CDK14: variants seen among roughly 807,000 people sequenced by gnomAD.
CDK14 encodes cyclin dependent kinase 14.
A neutral mutation model predicts 60.7 loss-of-function variants in CDK14; 34 were observed. That is an observed-to-expected ratio of 0.56 (90% CI 0.43 to 0.75). CDK14 has a LOEUF of 0.75. Among genes scored for constraint, CDK14 ranks in the 30% least tolerant of loss-of-function variants. CDK14 has a pLI of 0.00. For missense variants in CDK14, 482 were observed against 564.1 expected (o/e 0.85, Z 1.47); for synonymous variants, 197 against 203.7 (o/e 0.97, Z 0.28).
chr7:91,130,269 A>T (rs1800076993), intron 14 of CDK14, among the ~76,000 whole-genome samples: 1 of 151,914 alleles, frequency 6.6e-6, no homozygotes, highest in South Asian at 2.1e-4. Context: ...GGGCACTGCC[A>T]CTCCTCCCAC....
intron 9 of CDK14, among the ~76,000 whole-genome samples, chr7:90,960,623 G>A (rs1794575837): frequency 1.3e-5 from 2 of 152,034 alleles, no homozygotes; most frequent in Non-Finnish European, 2.9e-5. Flanking sequence ...GAAATTGCCT[G>A]TTTATTAAGT....
chr7:91,030,245 C>A (rs1796724335), intron 10 of CDK14, among the ~76,000 whole-genome samples: 1 of 152,136 alleles, frequency 6.6e-6, no homozygotes, highest in South Asian at 2.1e-4. Context: ...AAATAGATTT[C>A]CTAACGTTAA....
At chr7:90,633,004 G>A (rs1207243351) in intron 2 of CDK14, among the ~76,000 whole-genome samples, 1 of 151,732 alleles carries the variant, frequency 6.6e-6, no homozygotes, top group Non-Finnish European at 1.5e-5. Flanking sequence ...ACTGAGGCAG[G>A]AGAATTGCTT....
chr7:91,137,690 GGGGGT>G (rs1020105263), intron 14 of CDK14, among the ~76,000 whole-genome samples: 3 of 29,248 alleles, frequency 1.0e-4, no homozygotes, highest in African/African-American at 6.3e-4. Flanking sequence ...AAGACTTGTG[GGGGGT>G]GTGTGTGTGT....
chr7:91,010,727 CCTT>C (rs1163451753), intron 10 of CDK14, among the ~76,000 whole-genome samples: 1 of 147,826 alleles, frequency 6.8e-6, no homozygotes, highest in Non-Finnish European at 1.5e-5. Flanking sequence ...TCTTTTTTCT[CCTT>C]CTTTTCCTTC....
At chr7:90,835,485 TA>T (rs1790064088) in intron 5 of CDK14, among the ~76,000 whole-genome samples, 1 of 152,174 alleles carries the variant, frequency 6.6e-6, no homozygotes, top group Non-Finnish European at 1.5e-5. Flanking sequence ...GATGCCAGGC[TA>T]TGAATACAAA....
intron 8 of CDK14, among the ~76,000 whole-genome samples, chr7:90,934,854 G>GA (rs1793701815): frequency 6.6e-6 from 1 of 152,186 alleles, no homozygotes; most frequent in Non-Finnish European, 1.5e-5. Flanking sequence ...CTTGGCTCAT[G>GA]AAAAATTGAA....
At chr7:90,762,714 G>A (rs2116864905) in intron 4 of CDK14, among the ~76,000 whole-genome samples, 1 of 152,286 alleles carries the variant, frequency 6.6e-6, no homozygotes, top group Middle Eastern at 3.4e-3. Flanking sequence ...GGCCCGGTGT[G>A]GTGGCTCACC....
chr7:90,903,562 A>G (rs1217498488), intron 7 of CDK14, among the ~76,000 whole-genome samples: 1 of 152,162 alleles, frequency 6.6e-6, no homozygotes, highest in Non-Finnish European at 1.5e-5. Context: ...GAGGCTGGGA[A>G]GGATTTTGGA....
At chr7:90,904,640 A>G (rs540591485) in intron 7 of CDK14, among the ~76,000 whole-genome samples, 1 of 152,286 alleles carries the variant, frequency 6.6e-6, no homozygotes, top group South Asian at 2.1e-4. Flanking sequence ...ACATCTGAAT[A>G]ACTGAGGAAA....
chr7:90,981,618 A>G (rs1018808122), intron 9 of CDK14, among the ~76,000 whole-genome samples: 1 of 152,198 alleles, frequency 6.6e-6, no homozygotes, highest in African/African-American at 2.4e-5. Flanking sequence ...CTTAACCCCT[A>G]GGTTTATGAA....
chr7:91,129,443 T>C (rs1800054756), intron 14 of CDK14, among the ~76,000 whole-genome samples: 1 of 152,172 alleles, frequency 6.6e-6, no homozygotes, highest in African/African-American at 2.4e-5. Context: ...TAATATACTC[T>C]GTGACTAAAT....
At chr7:91,029,353 A>G (rs1796690137) in intron 10 of CDK14, among the ~76,000 whole-genome samples, 1 of 152,174 alleles carries the variant, frequency 6.6e-6, no homozygotes, top group African/African-American at 2.4e-5. Flanking sequence ...AATTCTATGA[A>G]AAATGATATT....
chr7:91,092,570 G>A (rs760584062), intron 12 of CDK14, among the ~76,000 whole-genome samples: 6 of 152,172 alleles, frequency 3.9e-5, no homozygotes, highest in Admixed American at 1.3e-4. Context: ...GCGAATTATC[G>A]CAGAAAAATC....
chr7:90,600,213 C>G (rs1799285838), intron 1 of CDK14, among the ~76,000 whole-genome samples: 1 of 152,174 alleles, frequency 6.6e-6, no homozygotes, highest in Non-Finnish European at 1.5e-5. Context: ...TTAGGAATTA[C>G]TACAGTTGTC....
chr7:91,015,525 T>G (rs1340354184), intron 10 of CDK14, among the ~76,000 whole-genome samples: 2 of 128,526 alleles, frequency 1.6e-5, no homozygotes, highest in Non-Finnish European at 3.2e-5. Context: ...TCTTGGGTTT[T>G]TTTTTTTTTT....
At chr7:90,855,049 G>C (rs990657854) in intron 5 of CDK14, among the ~76,000 whole-genome samples, 2 of 152,210 alleles carry the variant, frequency 1.3e-5, no homozygotes, top group Non-Finnish European at 2.9e-5. Context: ...CTAGAGCATG[G>C]AACAGCAGAA....
intron 7 of CDK14, among the ~76,000 whole-genome samples, chr7:90,905,783 A>T (rs1221841656): frequency 6.6e-6 from 1 of 152,186 alleles, no homozygotes; most frequent in Admixed American, 6.5e-5. Flanking sequence ...TAAGTCACAT[A>T]GGTTCATCAT....
At chr7:91,145,068 G>A (rs1800584316) in intron 14 of CDK14, among the ~76,000 whole-genome samples, 1 of 152,116 alleles carries the variant, frequency 6.6e-6, no homozygotes, top group South Asian at 2.1e-4. Flanking sequence ...TAAGCCATGA[G>A]TGTTTCAGGT....
Sources: gnomAD v4.1 joint callset for allele counts (sites outside exome capture counted in the v4.1 genomes callset) on GRCh38, gnomAD v4.1.1 for gene constraint, MANE v1.5 for transcripts, NCBI Gene and HGNC (gene_info 2026-07-23, HGNC 2026-07-21) for gene names.